The following SORCS2 variants were observed in gnomAD, a reference collection of about 807,000 sequenced individuals.
SORCS2 encodes the protein VPS10 domain-containing receptor SorCS2.
In SORCS2, 100 loss-of-function variants were observed where a neutral mutation model predicts 141.6. That is an observed-to-expected ratio of 0.71 (90% CI 0.60 to 0.83). SORCS2 has a LOEUF of 0.83. Ranked by LOEUF, SORCS2 falls within the 40% of genes least tolerant of loss-of-function variation. The pLI, the probability that SORCS2 is intolerant of heterozygous loss-of-function variation, is 0.00. For synonymous variants in SORCS2, 789 were observed against 676.9 expected, an observed-to-expected ratio of 1.17 and a Z score of -2.57; for missense variants, 1,646 against 1,560.2, an observed-to-expected ratio of 1.05 and a Z score of -0.93.
rs976577801 is a variant in SORCS2, at chr4:7,741,283, A to G, written c.*1019A>G. 2.5e-6 allele frequency: 1 copy of G among 398,822 alleles called. No homozygotes were observed. The highest frequency in any genetic ancestry group is 4.4e-6 in the Non-Finnish European group (1 of 226,130). 24.7% of individuals were successfully genotyped at this position (398,822 alleles called of 1,614,324 possible). A position where few individuals can be genotyped will look rare whatever the true frequency, so the allele number is the denominator to read the frequency against. On this transcript the variant is annotated 3_prime_UTR_variant, in exon 27 of 27. Coordinates refer to ENST00000507866, the MANE Select transcript of SORCS2 (RefSeq NM_020777.3). The stretch of plus-strand genomic sequence containing the variant: ...GCCATCAGCGTGACCCTCATTTTCA[A>G]GAAGGGGAAACTGAGGCCCAGGGAG...
chr4:7,415,167 T>C (rs1470929448), intron 2 of SORCS2, among the ~76,000 whole-genome samples: 1 of 152,246 alleles, frequency 6.6e-6, no homozygotes, highest in Non-Finnish European at 1.5e-5. Flanking sequence ...GGCCAGGATG[T>C]CCTGTTTTCC....
chr4:7,326,165 T>A (rs1285938642), intron 1 of SORCS2, among the ~76,000 whole-genome samples: 1 of 151,750 alleles, frequency 6.6e-6, no homozygotes, highest in Non-Finnish European at 1.5e-5. Flanking sequence ...CATCACAAGA[T>A]AAATAGTGGG....
chr4:7,243,085 C>G (rs1016041815), intron 1 of SORCS2, among the ~76,000 whole-genome samples: 1 of 152,144 alleles, frequency 6.6e-6, no homozygotes, highest in African/African-American at 2.4e-5. Context: ...GAGGTGCTGA[C>G]CCCACCCCAC....
intron 2 of SORCS2, chr4:7,432,142 G>A (rs1301781386): frequency 6.6e-6 from 1 of 152,392 alleles, no homozygotes; most frequent in Non-Finnish European, 1.5e-5. Flanking sequence ...CCCCCCCGGA[G>A]GCTTTCTGCC....
intron 3 of SORCS2, among the ~76,000 whole-genome samples, chr4:7,569,209 A>G (rs1715215843): frequency 6.6e-6 from 1 of 152,200 alleles, no homozygotes; most frequent in African/African-American, 2.4e-5. Flanking sequence ...TGCCTTGAAG[A>G]GCCTTTAGAA....
intron 1 of SORCS2, among the ~76,000 whole-genome samples, chr4:7,385,879 A>G (rs1049494561): frequency 1.1e-4 from 17 of 152,326 alleles, no homozygotes; most frequent in African/African-American, 4.1e-4. Context: ...ATGCACACTT[A>G]TTGAGCACTG....
chr4:7,651,893 A>G (rs1331080997), intron 4 of SORCS2, among the ~76,000 whole-genome samples: 2 of 152,192 alleles, frequency 1.3e-5, no homozygotes, highest in East Asian at 1.9e-4. Flanking sequence ...TTCTTAGGCC[A>G]TGGAAACATT....
At position 7,348,133 on chromosome 4, in the gene SORCS2, C is replaced by T. The variant is rs565878300; in HGVS notation, c.481-48155C>T. On this transcript the variant is annotated intron_variant, in intron 1 of 26. Transcript: ENST00000507866. ...AGTCCCTCGTGTCAGGCCAAGGAGC[C>T]GGAGGAGCCGATGTGAGACAGGTCA... 5.3e-5 allele frequency among the ~76,000 whole-genome samples: 8 copies of T among 152,286 alleles called. No homozygotes were observed. In the Middle Eastern group the frequency reaches 0.01, roughly 194 times the overall value.
chr4:7,564,624 C>T (rs1714834960), intron 3 of SORCS2, among the ~76,000 whole-genome samples: 1 of 152,142 alleles, frequency 6.6e-6, no homozygotes. Context: ...GCTATGGGAG[C>T]GATGAGGAGC....
chr4:7,736,310 T>C (rs1310542794), intron 25 of SORCS2, among the ~76,000 whole-genome samples: 1 of 152,216 alleles, frequency 6.6e-6, no homozygotes, highest in Non-Finnish European at 1.5e-5. Context: ...TGTTGCAGCT[T>C]ATAGGTGATA....
chr4:7,348,370 G>C (rs941420765), intron 1 of SORCS2, among the ~76,000 whole-genome samples: 2 of 152,330 alleles, frequency 1.3e-5, no homozygotes, highest in African/African-American at 2.4e-5. Flanking sequence ...GGCTTATGCT[G>C]TGTCGGACAC....
intron 2 of SORCS2, among the ~76,000 whole-genome samples, chr4:7,400,810 G>C (rs1161798643): frequency 2.6e-5 from 4 of 152,056 alleles, no homozygotes; most frequent in South Asian, 2.1e-4. Flanking sequence ...TTGATAGATG[G>C]ATAGAAGAAT....
intron 19 of SORCS2, among the ~76,000 whole-genome samples, chr4:7,724,947 G>GTAGTGGTGA (rs1727088917): frequency 2.4e-5 from 2 of 83,124 alleles, no homozygotes; most frequent in Admixed American, 1.2e-4. Context: ...GGTGATGGTG[G>GTAGTGGTGA]TGGTGTTGGT....
chr4:7,476,123 C>T (rs964529141), intron 2 of SORCS2, among the ~76,000 whole-genome samples: 2 of 152,132 alleles, frequency 1.3e-5, no homozygotes, highest in Non-Finnish European at 2.9e-5. Context: ...ATGTGCCAGC[C>T]CGTGTGCTCC....
At chr4:7,354,033 C>T (rs932582877) in intron 1 of SORCS2, among the ~76,000 whole-genome samples, 1 of 152,234 alleles carries the variant, frequency 6.6e-6, no homozygotes, top group African/African-American at 2.4e-5. Flanking sequence ...CACCACTTCT[C>T]TCTCTCTGAA....
chr4:7,468,981 T>A (rs1729798789), intron 2 of SORCS2, among the ~76,000 whole-genome samples: 1 of 152,102 alleles, frequency 6.6e-6, no homozygotes, highest in African/African-American at 2.4e-5. Context: ...ATAGGAAAAA[T>A]GAACAGCACT....
intron 9 of SORCS2, among the ~76,000 whole-genome samples, chr4:7,680,454 G>T (rs1340438073): frequency 6.6e-6 from 1 of 152,236 alleles, no homozygotes; most frequent in African/African-American, 2.4e-5. Context: ...TCTGGGCCAG[G>T]GGCCCCATCT....
chr4:7,422,425 C>A (rs1726139790), intron 2 of SORCS2, among the ~76,000 whole-genome samples: 1 of 152,136 alleles, frequency 6.6e-6, no homozygotes, highest in African/African-American at 2.4e-5. Flanking sequence ...TGGACACTGC[C>A]CGTGGGCCCA....
In SORCS2 at chr4:7,286,442, C is replaced by A. The variant is rs1716229248; in HGVS notation, c.480+93316C>A. On this transcript the variant is annotated intron_variant, in intron 1 of 26. Coordinates refer to ENST00000507866, the MANE Select transcript of SORCS2 (RefSeq NM_020777.3). The surrounding 1 kb of genome is among the most constrained non-coding windows in gnomAD (Gnocchi z 4.1). ...GACGTCCTGGAAGGCAGCCACGAGGCCTGACGTTGGAGATGCACCATCCTC... is the reference window on the plus strand; with the variant it reads ...GACGTCCTGGAAGGCAGCCACGAGGACTGACGTTGGAGATGCACCATCCTC... Among the ~76,000 whole-genome samples, 1 of 152,184 alleles carries A rather than the reference C, an allele frequency of 6.6e-6. No homozygotes were observed. Among genetic ancestry groups the A allele is most frequent in the South Asian group, 2.1e-4 (1 of 4,830 alleles).
Sources: allele counts gnomAD v4.1 joint callset (sites outside exome capture counted in the v4.1 genomes callset), GRCh38; gene constraint gnomAD v4.1.1; non-coding constraint Gnocchi (gnomAD v3.1); transcripts MANE v1.5; gene names NCBI Gene and HGNC (gene_info 2026-07-23, HGNC 2026-07-21).